The following SLC16A1 variants were observed in gnomAD, a reference collection of about 807,000 sequenced individuals.
The protein encoded by SLC16A1 is solute carrier family 16 member 1.
SLC16A1 carries 11 observed loss-of-function variants against 32.2 expected under a neutral mutation model. The ratio of observed to expected loss-of-function variants is 0.34; its 90% CI spans 0.21 to 0.56. The LOEUF (loss-of-function observed/expected upper bound fraction) is 0.56. SLC16A1 is among the 20% of genes least tolerant of loss of function. The pLI, the probability that SLC16A1 is intolerant of heterozygous loss-of-function variation, is 0.87. For synonymous variants in SLC16A1, 231 were observed against 226.8 expected, an observed-to-expected ratio of 1.02 and a Z score of -0.17; for missense variants, 435 against 615.0, an observed-to-expected ratio of 0.71 and a Z score of 3.10.
intron 2 of SLC16A1, among the ~76,000 whole-genome samples, chr1:112,928,818 A>C (rs1215404498): frequency 6.6e-6 from 1 of 152,220 alleles, no homozygotes; most frequent in Non-Finnish European, 1.5e-5. Flanking sequence ...CATCATTTTT[A>C]TAACAGTCTT....
At chr1:112,933,289 TA>T (rs1419588646) in intron 1 of SLC16A1, among the ~76,000 whole-genome samples, 1 of 151,584 alleles carries the variant, frequency 6.6e-6, no homozygotes, top group African/African-American at 2.4e-5. Flanking sequence ...CTGTCTCTAC[TA>T]AAAATACAAA....
chr1:112,922,383 A>G (rs1648766748), intron 2 of SLC16A1: 1 of 516,502 alleles, frequency 1.9e-6, no homozygotes, highest in East Asian at 3.6e-5. Context: ...ACCTGAAGTT[A>G]TCCTTAATCT....
chr1:112,933,003 A>G (rs190343480), intron 1 of SLC16A1, among the ~76,000 whole-genome samples: 167 of 152,262 alleles, frequency 1.1e-3, no homozygotes, highest in African/African-American at 3.7e-3. Flanking sequence ...ACATTTTTAA[A>G]TGCTATTGTA....
intron 3 of SLC16A1, among the ~76,000 whole-genome samples, chr1:112,919,084 G>C (rs1185079679): frequency 6.7e-6 from 1 of 149,948 alleles, no homozygotes; most frequent in Admixed American, 6.6e-5. Flanking sequence ...AGGCTGGAGT[G>C]CAGTGGCGCG....
chr1:112,931,518 C>T (rs1649127292), intron 1 of SLC16A1, among the ~76,000 whole-genome samples: 1 of 151,404 alleles, frequency 6.6e-6, no homozygotes, highest in Non-Finnish European at 1.5e-5. Flanking sequence ...TGGTGGCATG[C>T]GACTGTAGTC....
rs113116716 is a variant in SLC16A1 at position 112,930,645 on chromosome 1, C to T, written c.-44-1293G>A. On this transcript the variant is annotated intron_variant, in intron 1 of 4. Coordinates refer to ENST00000369626, the MANE Select transcript of SLC16A1 (RefSeq NM_003051.4). ...GTTAACATCATAATTCCTTAAATTA[C>T]TTAGATAACCAAATGCCCCATTTGA... 6.6e-3 allele frequency among the ~76,000 whole-genome samples: 1,001 copies of T among 151,862 alleles called. 12 individuals carry two copies. Among genetic ancestry groups the T allele is most frequent in the African/African-American group, 0.023 (953 of 41,438 alleles).
Position 112,946,881 on chromosome 1 carries a change from T to C in SLC16A1, c.-45+9154A>G, listed in dbSNP as rs536730197. On this transcript the variant is annotated intron_variant, in intron 1 of 4. Coordinates refer to ENST00000369626, the MANE Select transcript of SLC16A1 (RefSeq NM_003051.4). Reference sequence around the variant, plus strand: ...ATTCTTGGCACAAAGAACTTATCTATCTTGTTTTCTGAGCTATTATTACAC... The same window carrying C: ...ATTCTTGGCACAAAGAACTTATCTACCTTGTTTTCTGAGCTATTATTACAC... Among the ~76,000 whole-genome samples, 22 of 152,358 alleles carry C rather than the reference T, an allele frequency of 1.4e-4. No individual in the cohort carries two copies. The South Asian group carries it at 2.9e-3, about 20-fold the overall frequency.
intron 1 of SLC16A1, among the ~76,000 whole-genome samples, chr1:112,949,491 G>A (rs1419925928): frequency 6.6e-6 from 1 of 152,118 alleles, no homozygotes; most frequent in Non-Finnish European, 1.5e-5. Flanking sequence ...ACCAAGAAAT[G>A]GCATCATGAT....
intron 4 of SLC16A1, among the ~76,000 whole-genome samples, chr1:112,915,536 C>T (rs1183012929): frequency 6.6e-6 from 1 of 152,142 alleles, no homozygotes; most frequent in African/African-American, 2.4e-5. Context: ...TAATGGGAAG[C>T]AACTGGAGAG....
intron 1 of SLC16A1, among the ~76,000 whole-genome samples, chr1:112,947,563 CA>C (rs1288086777): frequency 6.6e-6 from 1 of 152,128 alleles, no homozygotes; most frequent in African/African-American, 2.4e-5. Context: ...TTTACATTAA[CA>C]AAATCTTTGA....
Position 112,917,674 on chromosome 1 carries a change from T to A in SLC16A1, c.732A>T (p.Ser244=). ...GGAACTGATTAATTGTTTGGAAGAC[T>A]GATCGTTTCTCTTGTTTAGGGTGTC... ...IGRHPKQEKR[S]VFQTINQFLD... Residue 244 remains serine, a synonymous_variant, in exon 4 of 5, where the codon TCA becomes TCT. Transcript: ENST00000369626. The surrounding 1 kb of genome is among the most constrained non-coding windows in gnomAD (Gnocchi z 4.1). The A allele has an allele frequency of 1.2e-6, 2 of 1,614,236 alleles. No homozygotes were observed. Among genetic ancestry groups the A allele is most frequent in the African/African-American group, 1.3e-5 (1 of 75,064 alleles).
chr1:112,925,819 T>A (rs183403375), intron 2 of SLC16A1, among the ~76,000 whole-genome samples: 2 of 152,364 alleles, frequency 1.3e-5, no homozygotes, highest in East Asian at 3.9e-4. Flanking sequence ...ATTCAGAATA[T>A]ACTAATGATC....
intron 2 of SLC16A1, chr1:112,923,824 G>A (rs1350007212): frequency 6.0e-6 from 9 of 1,498,038 alleles, no homozygotes; most frequent in Non-Finnish European, 8.4e-6. Context: ...CTCTGCAAGA[G>A]CAATGGCTGG....
chr1:112,929,116 T>C lies in SLC16A1; in HGVS notation c.193A>G (p.Met65Val). Residue 65 changes from methionine to valine, a missense_variant, in exon 2 of 5, where the codon ATG becomes GTG. This residue lies in a region of SLC16A1 where 324 missense variants were observed against 500.3 expected (regional missense o/e 0.65). Coordinates refer to ENST00000369626, the MANE Select transcript of SLC16A1 (RefSeq NM_003051.4). ...TSEVSWISSI[M>V]LAVMYGGGPI... Reference sequence around the variant, plus strand: ...CCTCCACCATACATGACAGCCAACATTATGGAGGATATCCATGACACTTCG... The same window carrying C: ...CCTCCACCATACATGACAGCCAACACTATGGAGGATATCCATGACACTTCG... 6.2e-7 allele frequency: 1 copy of C among 1,613,872 alleles called. No homozygotes were observed. Among genetic ancestry groups the C allele is most frequent in the Non-Finnish European group, 8.5e-7 (1 of 1,179,872 alleles).
chr1:112,922,561 G>A (rs929076897), intron 2 of SLC16A1, among the ~76,000 whole-genome samples: 3 of 152,116 alleles, frequency 2.0e-5, no homozygotes, highest in Non-Finnish European at 4.4e-5. Context: ...ATCACCCGAG[G>A]TCAGGAGTTC....
chr1:112,931,346 C>CA (rs917767402), intron 1 of SLC16A1, among the ~76,000 whole-genome samples: 1 of 151,816 alleles, frequency 6.6e-6, no homozygotes, highest in African/African-American at 2.4e-5. Flanking sequence ...TATATGATGT[C>CA]AAAAGATGGT....
chr1:112,919,011 T>TTTTATCTATTTA (rs1648616615), intron 3 of SLC16A1, among the ~76,000 whole-genome samples: 1 of 144,224 alleles, frequency 6.9e-6, no homozygotes, highest in Admixed American at 6.9e-5. Context: ...TACTAATTTA[T>TTTTATCTATTTA]TTTATTTATT....
At chr1:112,940,078 C>G (rs1254338041) in intron 1 of SLC16A1, among the ~76,000 whole-genome samples, 1 of 137,448 alleles carries the variant, frequency 7.3e-6, no homozygotes, top group Admixed American at 7.7e-5. Context: ...GACAGTGTCT[C>G]GCTGTGTCAC....
rs1360550952 is a variant in SLC16A1, at chr1:112,941,321, G to A, written c.-44-11969C>T. Among the ~76,000 whole-genome samples, 8 of 128,402 alleles carry A rather than the reference G, an allele frequency of 6.2e-5. No individual in the cohort carries two copies. In the Admixed American group the frequency reaches 6.4e-4, roughly 10 times the overall value. 84.2% of individuals were successfully genotyped at this position (128,402 alleles called of 152,430 possible). A position where few individuals can be genotyped will look rare whatever the true frequency, so the allele number is the denominator to read the frequency against. Reference sequence around the variant, plus strand: ...TTTGAGACAGAGTTTCGCTCTTGCTGCCCAGGCTGGAGTGCGATGGTACGA... The same window carrying A: ...TTTGAGACAGAGTTTCGCTCTTGCTACCCAGGCTGGAGTGCGATGGTACGA... On this transcript the variant is annotated intron_variant, in intron 1 of 4. Transcript: ENST00000369626.
Sources: gnomAD v4.1 joint callset for allele counts (sites outside exome capture counted in the v4.1 genomes callset) on GRCh38, gnomAD v4.1.1 for gene constraint, gnomAD v4.1.1 regional missense constraint, Gnocchi (gnomAD v3.1) non-coding constraint, MANE v1.5 for transcripts, NCBI Gene and HGNC (gene_info 2026-07-23, HGNC 2026-07-21) for gene names.